Variants in RBFOX1 observed in about 807,000 individuals in gnomAD.
RBFOX1 encodes the protein RNA binding protein fox-1 homolog 1.
RBFOX1 carries 8 observed loss-of-function variants against 57.7 expected under a neutral mutation model. The observed-to-expected ratio is 0.14, with a 90% CI of 0.08 to 0.25. The LOEUF (loss-of-function observed/expected upper bound fraction) is 0.25. Among genes scored for constraint, RBFOX1 ranks in the 10% least tolerant of loss-of-function variants. The pLI is 1.00. For synonymous variants in RBFOX1, 326 were observed against 222.4 expected (o/e 1.47, Z -4.15); for missense variants, 611 against 548.5 (o/e 1.11, Z -1.14).
intron 1 of RBFOX1, among the ~76,000 whole-genome samples, chr16:5,412,783 G>A (rs2067055945): frequency 1.3e-5 from 2 of 152,248 alleles, no homozygotes; most frequent in African/African-American, 4.8e-5. Flanking sequence ...CCGCCCTAGG[G>A]CTGGCACCTA....
At chr16:5,729,676 A>T (rs1317545583) in intron 3 of RBFOX1, among the ~76,000 whole-genome samples, 3 of 151,960 alleles carry the variant, frequency 2.0e-5, no homozygotes, top group Admixed American at 2.0e-4. Context: ...CACAAACTCC[A>T]CTCAGGTATT....
At chr16:7,609,069 C>G (rs1484985132) in intron 10 of RBFOX1, among the ~76,000 whole-genome samples, 1 of 152,190 alleles carries the variant, frequency 6.6e-6, no homozygotes, top group African/African-American at 2.4e-5. Context: ...AAATCAAATA[C>G]TCCAAATGGT....
chr16:5,669,657 A>T (rs1212565512), intron 3 of RBFOX1, among the ~76,000 whole-genome samples: 2 of 152,242 alleles, frequency 1.3e-5, no homozygotes, highest in East Asian at 3.9e-4. Context: ...TGACCTCATG[A>T]TCTGCCTGCC....
At chr16:5,337,999 G>T (rs565190746) in intron 1 of RBFOX1, among the ~76,000 whole-genome samples, 1 of 152,284 alleles carries the variant, frequency 6.6e-6, no homozygotes, top group East Asian at 1.9e-4. Flanking sequence ...AACTATGATT[G>T]CACCATTGCA....
At chr16:6,815,437 C>G (rs1264745924) in intron 3 of RBFOX1, among the ~76,000 whole-genome samples, 4 of 152,154 alleles carry the variant, frequency 2.6e-5, no homozygotes, top group African/African-American at 4.8e-5. Flanking sequence ...TGGAGTCACT[C>G]TGGTTCAAAC....
At chr16:7,607,692 A>T (rs755518227) in intron 10 of RBFOX1, among the ~76,000 whole-genome samples, 1 of 152,188 alleles carries the variant, frequency 6.6e-6, no homozygotes, top group Non-Finnish European at 1.5e-5. Context: ...TTTTAGCCAT[A>T]CATTTCCATT....
chr16:6,465,606 G>C (rs1287897346), intron 2 of RBFOX1, among the ~76,000 whole-genome samples: 2 of 77,854 alleles, frequency 2.6e-5, no homozygotes. Context: ...GGCTGTGTGT[G>C]TGTGTGTGTG....
chr16:5,704,243 T>C (rs979425051), intron 3 of RBFOX1, among the ~76,000 whole-genome samples: 1 of 152,060 alleles, frequency 6.6e-6, no homozygotes, highest in Non-Finnish European at 1.5e-5. Context: ...ACAGTAATAA[T>C]TTGGATAAAA....
chr16:6,366,851 T>C (rs2089704599), intron 2 of RBFOX1, among the ~76,000 whole-genome samples: 1 of 152,202 alleles, frequency 6.6e-6, no homozygotes, highest in Non-Finnish European at 1.5e-5. Flanking sequence ...CTTTTCTGTC[T>C]CATGAAAATA....
At chr16:7,113,178 T>C (rs2065156200) in intron 4 of RBFOX1, among the ~76,000 whole-genome samples, 1 of 152,288 alleles carries the variant, frequency 6.6e-6, no homozygotes, top group South Asian at 2.1e-4. Flanking sequence ...AATACACAGA[T>C]ACATAAATAC....
At chr16:5,815,064 GC>G (rs1396743068) in intron 3 of RBFOX1, among the ~76,000 whole-genome samples, 3 of 151,482 alleles carry the variant, frequency 2.0e-5, no homozygotes, top group Admixed American at 6.6e-5. Flanking sequence ...GCTCACCGCA[GC>G]CCCAACCTCC....
intron 4 of RBFOX1, among the ~76,000 whole-genome samples, chr16:7,218,591 A>G (rs2092445466): frequency 6.6e-6 from 1 of 150,774 alleles, no homozygotes; most frequent in Non-Finnish European, 1.5e-5. Flanking sequence ...TTTGTTAACC[A>G]GAAGACGTGA....
intron 1 of RBFOX1, among the ~76,000 whole-genome samples, chr16:5,300,452 C>T (rs187623916): frequency 9.2e-5 from 14 of 152,114 alleles, no homozygotes; most frequent in Non-Finnish European, 1.8e-4. Flanking sequence ...TCAGAAACCA[C>T]CACTAATGAA....
At chr16:7,515,989 C>T (rs1291003752) in intron 4 of RBFOX1, among the ~76,000 whole-genome samples, 1 of 152,098 alleles carries the variant, frequency 6.6e-6, no homozygotes, top group African/African-American at 2.4e-5. Flanking sequence ...AGATTACAGG[C>T]ATGTGCCACC....
At chr16:6,597,143 T>A (rs189467657) in intron 2 of RBFOX1, among the ~76,000 whole-genome samples, 1 of 152,188 alleles carries the variant, frequency 6.6e-6, no homozygotes, top group Non-Finnish European at 1.5e-5. Flanking sequence ...ACATCTACTG[T>A]ATAAAATGAA....
At chr16:5,927,341 A>C (rs1249168081) in intron 4 of RBFOX1, among the ~76,000 whole-genome samples, 4 of 152,236 alleles carry the variant, frequency 2.6e-5, no homozygotes, top group Non-Finnish European at 5.9e-5. Flanking sequence ...TTGCAAGAAA[A>C]TTGAATATGA....
chr16:6,074,173 C>G (rs992890002), intron 1 of RBFOX1, among the ~76,000 whole-genome samples: 2 of 152,110 alleles, frequency 1.3e-5, no homozygotes, highest in Non-Finnish European at 2.9e-5. Flanking sequence ...TGGTCTTGAC[C>G]TTCTGACCTT....
chr16:6,048,110 G>C (rs113480544), intron 1 of RBFOX1, among the ~76,000 whole-genome samples: 1 of 152,118 alleles, frequency 6.6e-6, no homozygotes, highest in Non-Finnish European at 1.5e-5. Flanking sequence ...AGCATTTTAC[G>C]GTAAAATTGC....
chr16:6,483,426 G>C (rs898799385), intron 2 of RBFOX1: 3 of 1,535,348 alleles, frequency 2.0e-6, no homozygotes, highest in East Asian at 2.4e-5. Context: ...CGTGGGTGCC[G>C]TTTGCTGTTG....
Sources: allele counts gnomAD v4.1 joint callset (sites outside exome capture counted in the v4.1 genomes callset), GRCh38; gene constraint gnomAD v4.1.1; transcripts MANE v1.5; gene names NCBI Gene and HGNC (gene_info 2026-07-23, HGNC 2026-07-21).